FAM241A: variants seen among roughly 807,000 people sequenced by gnomAD.
The protein encoded by FAM241A is family with sequence similarity 241 member A.
In FAM241A, 7 loss-of-function variants were observed where a neutral mutation model predicts 12.2. The ratio of observed to expected loss-of-function variants is 0.58; its 90% CI spans 0.33 to 1.08. FAM241A has a LOEUF of 1.08. FAM241A is among the 50% of genes least tolerant of loss of function. The pLI is 0.04. For synonymous variants in FAM241A, 74 were observed against 68.2 expected (o/e 1.08, Z -0.42); for missense variants, 161 against 169.7 (o/e 0.95, Z 0.29).
chr4:112,160,270 T>C (rs972193300), intron 1 of FAM241A, among the ~76,000 whole-genome samples: 3 of 151,974 alleles, frequency 2.0e-5, no homozygotes, highest in Non-Finnish European at 4.4e-5. Context: ...TAGCTGGGCA[T>C]GGTGATGCGT....
At chr4:112,170,389 C>T (rs902519003) in intron 1 of FAM241A, among the ~76,000 whole-genome samples, 1 of 152,110 alleles carries the variant, frequency 6.6e-6, no homozygotes, top group African/African-American at 2.4e-5. Context: ...AAGTTAAAGA[C>T]ACAGTAAGAG....
intron 1 of FAM241A, among the ~76,000 whole-genome samples, chr4:112,184,235 A>T (rs1234581736): frequency 2.6e-5 from 4 of 152,224 alleles, no homozygotes; most frequent in Non-Finnish European, 4.4e-5. Context: ...AATTTTAAAA[A>T]TTATATAAAA....
At chr4:112,181,636 A>G (rs1255670886) in intron 1 of FAM241A, among the ~76,000 whole-genome samples, 1 of 152,234 alleles carries the variant, frequency 6.6e-6, no homozygotes, top group Non-Finnish European at 1.5e-5. Flanking sequence ...ACTGAGTTGA[A>G]GCTTAAGCTA....
chr4:112,185,416 C>T (rs1724017981), intron 1 of FAM241A, among the ~76,000 whole-genome samples: 2 of 152,290 alleles, frequency 1.3e-5, no homozygotes, highest in South Asian at 2.1e-4. Context: ...CCCTGACTTA[C>T]TGAATCAGAA....
At chr4:112,175,024 G>A (rs1723791893) in intron 1 of FAM241A, among the ~76,000 whole-genome samples, 1 of 152,202 alleles carries the variant, frequency 6.6e-6, no homozygotes, top group Non-Finnish European at 1.5e-5. Context: ...AATGTGTAAA[G>A]TGCTTACCAC....
At chr4:112,156,517 A>G (rs1034713399) in intron 1 of FAM241A, among the ~76,000 whole-genome samples, 1 of 152,208 alleles carries the variant, frequency 6.6e-6, no homozygotes, top group African/African-American at 2.4e-5. Context: ...CAGAGATTAC[A>G]TTATATGGCA....
At position 112,193,756 on chromosome 4, in the gene FAM241A, T is replaced by C. The variant is rs1382563001; in HGVS notation, c.*6818T>C. 2 of 151,630 alleles carry C rather than the reference T, an allele frequency of 1.3e-5. No homozygotes were observed. Among genetic ancestry groups the C allele is most frequent in the Admixed American group, 6.6e-5 (1 of 15,178 alleles). 9.4% of individuals were successfully genotyped at this position (151,630 alleles called of 1,614,324 possible). A position where few individuals can be genotyped will look rare whatever the true frequency, so the allele number is the denominator to read the frequency against. On this transcript the variant is annotated 3_prime_UTR_variant, in exon 2 of 2. Transcript: ENST00000309733. Reference sequence around the variant, plus strand: ...TGCTGTTTTGGTTATTGTAGCCTTGTAGTATAGTTTGAAGTCAGGTAGCAT... The same window carrying C: ...TGCTGTTTTGGTTATTGTAGCCTTGCAGTATAGTTTGAAGTCAGGTAGCAT...
At chr4:112,183,341 T>C (rs1283279526) in intron 1 of FAM241A, among the ~76,000 whole-genome samples, 1 of 152,112 alleles carries the variant, frequency 6.6e-6, no homozygotes, top group Non-Finnish European at 1.5e-5. Context: ...CCCAGACCTG[T>C]CCTTACTGGG....
rs1161717181 is a variant in FAM241A at position 112,191,778 on chromosome 4, G to C, written c.*4840G>C. ...TCAAGTGCAACCCTGTGCTTTCCAG[G>C]TCAGCACTTCTCATGCTATATTGCA... On this transcript the variant is annotated 3_prime_UTR_variant, in exon 2 of 2. Transcript: ENST00000309733. 6.6e-6 allele frequency: 1 copy of C among 152,080 alleles called. No individual in the cohort carries two copies. The highest frequency in any genetic ancestry group is 1.5e-5 in the Non-Finnish European group (1 of 68,012). The allele number at this position is 152,080 out of a possible 1,614,324, so 9.4% of individuals were successfully genotyped here.
At position 112,188,950 on chromosome 4, in the gene FAM241A, T is replaced by C. The variant is rs996576293; in HGVS notation, c.*2012T>C. 6.6e-6 allele frequency: 1 copy of C among 152,194 alleles called. No individual in the cohort carries two copies. Among genetic ancestry groups the C allele is most frequent in the African/African-American group, 2.4e-5 (1 of 41,456 alleles). The allele number at this position is 152,194 out of a possible 1,614,324, so 9.4% of individuals were successfully genotyped here. A position where few individuals can be genotyped will look rare whatever the true frequency, so the allele number is the denominator to read the frequency against. On this transcript the variant is annotated 3_prime_UTR_variant, in exon 2 of 2. Transcript: ENST00000309733. ...ATATATTATTGGTCAGTACATCAAA[T>C]AATATTTGGCTTTGATATGGGAAAA...
At chr4:112,146,967 C>T (rs1044771241) in intron 1 of FAM241A, among the ~76,000 whole-genome samples, 2 of 152,112 alleles carry the variant, frequency 1.3e-5, no homozygotes, top group Non-Finnish European at 2.9e-5. Flanking sequence ...TTGATTTCCT[C>T]TAACTTAAAT....
Position 112,187,067 on chromosome 4 carries a change from A to G in FAM241A, c.*129A>G. 2 of 959,324 alleles carry G rather than the reference A, an allele frequency of 2.1e-6. No homozygotes were observed. Among genetic ancestry groups the G allele is most frequent in the South Asian group, 1.6e-5 (1 of 61,530 alleles). The allele number at this position is 959,324 out of a possible 1,614,324, so 59.4% of individuals were successfully genotyped here. On this transcript the variant is annotated 3_prime_UTR_variant, in exon 2 of 2. Transcript: ENST00000309733. ...ATCATGTGCTGGCTGTTTTGTAAGT[A>G]AATTTATACATGGATGTCACTTAAA...
chr4:112,186,918 A>C lies in FAM241A; in HGVS notation c.379A>C (p.Ile127Leu). Residue 127 changes from isoleucine to leucine, a missense_variant, in exon 2 of 2, where the codon ATT (isoleucine) becomes CTT (leucine). By Grantham distance (5) the Ile-to-Leu change is conservative. Transcript: ENST00000309733. ...LGLVAVLCLV[I>L]IYVQQ is the part of the protein sequence containing the mutation. ...ACTAGTTGCTGTTCTTTGCCTTGTT[A>C]TTATTTATGTGCAACAGTAAAACAT... The C allele has an allele frequency of 6.2e-7, 1 of 1,613,652 alleles. No individual in the cohort carries two copies. The highest frequency in any genetic ancestry group is 8.5e-7 in the Non-Finnish European group (1 of 1,179,762).
chr4:112,172,919 G>C (rs1723752730), intron 1 of FAM241A, among the ~76,000 whole-genome samples: 1 of 152,032 alleles, frequency 6.6e-6, no homozygotes, highest in Admixed American at 6.6e-5. Flanking sequence ...GCAAGGTCTG[G>C]CCTTGTCACC....
At chr4:112,184,834 A>G (rs1484930203) in intron 1 of FAM241A, among the ~76,000 whole-genome samples, 1 of 152,170 alleles carries the variant, frequency 6.6e-6, no homozygotes, top group African/African-American at 2.4e-5. Context: ...CCATTTCTTT[A>G]ATGAAAAAAA....
chr4:112,164,044 C>T (rs1405335720), intron 1 of FAM241A, among the ~76,000 whole-genome samples: 1 of 149,880 alleles, frequency 6.7e-6, no homozygotes, highest in African/African-American at 2.5e-5. Flanking sequence ...TGTTCTCACT[C>T]ATAGGTGGGA....
chr4:112,168,041 C>G (rs1407253039), intron 1 of FAM241A, among the ~76,000 whole-genome samples: 1 of 152,186 alleles, frequency 6.6e-6, no homozygotes, highest in Admixed American at 6.5e-5. Context: ...AGGTGCAAAA[C>G]TTGCTGAGAG....
At chr4:112,179,817 A>ACTCAT (rs1266292406) in intron 1 of FAM241A, among the ~76,000 whole-genome samples, 1 of 148,802 alleles carries the variant, frequency 6.7e-6, no homozygotes, top group Non-Finnish European at 1.5e-5. Context: ...TTACCAAAAG[A>ACTCAT]CTCATGCTCT....
intron 1 of FAM241A, among the ~76,000 whole-genome samples, chr4:112,161,294 C>G (rs1372679697): frequency 2.6e-5 from 4 of 151,880 alleles, no homozygotes; most frequent in Non-Finnish European, 5.9e-5. Context: ...TAGCAGAAGG[C>G]AAGAAATAAC....
Sources: allele counts gnomAD v4.1 joint callset (sites outside exome capture counted in the v4.1 genomes callset), GRCh38; gene constraint gnomAD v4.1.1; transcripts MANE v1.5; gene names NCBI Gene and HGNC (gene_info 2026-07-23, HGNC 2026-07-21).